FAM107B: variants seen among roughly 807,000 people sequenced by gnomAD.
FAM107B encodes the protein protein FAM107B.
A neutral mutation model predicts 31.5 loss-of-function variants in FAM107B; 21 were observed. That is an observed-to-expected ratio of 0.67 (90% CI 0.47 to 0.96). FAM107B has a LOEUF of 0.96. Among genes scored for constraint, FAM107B ranks in the 40% least tolerant of loss-of-function variants. FAM107B has a pLI of 0.00. For synonymous variants in FAM107B, 157 were observed against 141.5 expected (o/e 1.11, Z -0.78); for missense variants, 452 against 377.1 (o/e 1.20, Z -1.64).
chr10:14,529,092 G>A (rs972777515), intron 3 of FAM107B, among the ~76,000 whole-genome samples: 9 of 152,152 alleles, frequency 5.9e-5, no homozygotes, highest in Non-Finnish European at 1.0e-4. Context: ...CTAAACTGAC[G>A]AGCTTTCCAC....
chr10:14,641,643 T>C (rs980178801), intron 2 of FAM107B, among the ~76,000 whole-genome samples: 1 of 152,132 alleles, frequency 6.6e-6, no homozygotes, highest in Admixed American at 6.6e-5. Context: ...TGATGTCTCT[T>C]CTTCTGAGGG....
chr10:14,556,545 T>G lies in FAM107B; in HGVS notation c.470-26030A>C, dbSNP rs1283020140. The stretch of plus-strand genomic sequence containing the variant: ...GCCGTGCGCAACGTTTAGACTTGAC[T>G]GACACCTACTGTGTGCTCCGTGCTA... On this transcript the variant is annotated intron_variant, in intron 2 of 4. Coordinates refer to ENST00000181796, the MANE Select transcript of FAM107B (RefSeq NM_031453.4). 15 of 306,372 alleles carry G rather than the reference T, an allele frequency of 4.9e-5. No homozygotes were observed. The Admixed American group carries it at 9.7e-4, about 20-fold the overall frequency. 19.0% of individuals were successfully genotyped at this position (306,372 alleles called of 1,614,324 possible).
intron 1 of FAM107B, among the ~76,000 whole-genome samples, chr10:14,729,966 C>A (rs1281018234): frequency 6.6e-6 from 1 of 152,264 alleles, no homozygotes; most frequent in African/African-American, 2.4e-5. Flanking sequence ...CATGTTCTCA[C>A]TCATAAATGG....
intron 2 of FAM107B, among the ~76,000 whole-genome samples, chr10:14,594,148 G>T (rs1490182627): frequency 6.6e-6 from 1 of 152,056 alleles, no homozygotes; most frequent in East Asian, 1.9e-4. Context: ...TTCACAAATG[G>T]ATCACTTTAA....
rs528045383 is a variant in FAM107B at position 14,546,254 on chromosome 10, C to T, written c.470-15739G>A. 3.3e-5 allele frequency among the ~76,000 whole-genome samples: 5 copies of T among 152,298 alleles called. No individual in the cohort carries two copies. The East Asian group carries it at 7.7e-4, about 23-fold the overall frequency. On this transcript the variant is annotated intron_variant, in intron 2 of 4. Coordinates refer to ENST00000181796, the MANE Select transcript of FAM107B (RefSeq NM_031453.4). ...TTCTGGACCACACAGTGGCAAAGCT[C>T]GGACTAGGACCAAGATTGGAGTCTG...
chr10:14,676,231 A>T (rs1037531895), intron 1 of FAM107B, among the ~76,000 whole-genome samples: 4 of 152,136 alleles, frequency 2.6e-5, no homozygotes, highest in Admixed American at 2.6e-4. Context: ...GATGGATATG[A>T]ATAGTCTGTT....
intron 1 of FAM107B, among the ~76,000 whole-genome samples, chr10:14,749,780 A>T (rs776816060): frequency 3.9e-5 from 6 of 152,184 alleles, no homozygotes; most frequent in African/African-American, 9.7e-5. Context: ...GCCAGCAACC[A>T]TGTCTTTTGA....
At chr10:14,548,647 C>T (rs1848945642) in intron 2 of FAM107B, 4 of 985,426 alleles carry the variant, frequency 4.1e-6, no homozygotes, top group Non-Finnish European at 4.8e-6. Context: ...CGAAGGCAGG[C>T]ACTCCCAGAA....
intron 1 of FAM107B, among the ~76,000 whole-genome samples, chr10:14,719,044 C>T (rs1163188818): frequency 6.6e-6 from 1 of 152,210 alleles, no homozygotes; most frequent in Admixed American, 6.5e-5. Flanking sequence ...GCCTTCTCCA[C>T]GTCTAGGGCT....
chr10:14,708,069 C>T (rs185773086), intron 1 of FAM107B, among the ~76,000 whole-genome samples: 13 of 152,006 alleles, frequency 8.6e-5, no homozygotes, highest in African/African-American at 2.9e-4. Context: ...ATTCTCTTCA[C>T]CTTAGGAGGA....
At chr10:14,719,631 G>A (rs1207254628) in intron 1 of FAM107B, among the ~76,000 whole-genome samples, 1 of 152,210 alleles carries the variant, frequency 6.6e-6, no homozygotes, top group South Asian at 2.1e-4. Flanking sequence ...AGGCCAATGG[G>A]AGGCACTAGG....
intron 1 of FAM107B, among the ~76,000 whole-genome samples, chr10:14,750,464 T>C (rs991996195): frequency 2.6e-5 from 4 of 151,828 alleles, no homozygotes; most frequent in Non-Finnish European, 2.9e-5. Context: ...ATACAAAAAT[T>C]AGCTGGGCGG....
chr10:14,570,233 GGTGT>G lies in FAM107B; in HGVS notation c.470-39722_470-39719del, dbSNP rs57206586. Among the ~76,000 whole-genome samples the G allele has an allele frequency of 6.0e-3, 844 of 140,342 alleles. 7 individuals are homozygous for G. Among genetic ancestry groups the G allele is most frequent in the Middle Eastern group, 0.04 (11 of 276 alleles). 92.1% of individuals were successfully genotyped at this position (140,342 alleles called of 152,430 possible). A position where few individuals can be genotyped will look rare whatever the true frequency, so the allele number is the denominator to read the frequency against. On this transcript the variant is annotated intron_variant, in intron 2 of 4. Transcript: ENST00000181796. Reference sequence around the variant, plus strand: ...ACGTACCTACCAAAAAAATGTGGTGGGTGTGTGTGTGTGTGTGTGTGTGTGTGTG... The same window carrying G: ...ACGTACCTACCAAAAAAATGTGGTGGGTGTGTGTGTGTGTGTGTGTGTGTG...
At chr10:14,691,893 C>A (rs375812014) in intron 1 of FAM107B, among the ~76,000 whole-genome samples, 37,000 of 128,932 alleles carry the variant, frequency 0.29, 5,714 homozygotes, top group Admixed American at 0.35. Flanking sequence ...GACTCTGTCA[C>A]AAAAAAAAAA....
chr10:14,591,432 C>G (rs1037040858), intron 2 of FAM107B, among the ~76,000 whole-genome samples: 1 of 152,184 alleles, frequency 6.6e-6, no homozygotes, highest in African/African-American at 2.4e-5. Flanking sequence ...AAGAGCCAAG[C>G]CAATCTTTGC....
intron 2 of FAM107B, among the ~76,000 whole-genome samples, chr10:14,642,212 C>T (rs1853645655): frequency 6.6e-6 from 1 of 152,220 alleles, no homozygotes; most frequent in South Asian, 2.1e-4. Flanking sequence ...GCTCAATGTC[C>T]CATCTTCCAG....
chr10:14,722,053 C>G (rs371727973), intron 1 of FAM107B, among the ~76,000 whole-genome samples: 8 of 152,204 alleles, frequency 5.3e-5, no homozygotes, highest in African/African-American at 1.9e-4. Context: ...AAGGAACATA[C>G]TTTTTTATGG....
chr10:14,662,461 C>T (rs1170496194), intron 2 of FAM107B, among the ~76,000 whole-genome samples: 4 of 149,912 alleles, frequency 2.7e-5, no homozygotes, highest in Non-Finnish European at 4.4e-5. Context: ...ATTGCAGCTT[C>T]GACCACCTGG....
At chr10:14,523,703 T>C (rs563923422) in intron 3 of FAM107B, among the ~76,000 whole-genome samples, 20 of 152,332 alleles carry the variant, frequency 1.3e-4, no homozygotes, top group African/African-American at 4.8e-4. Context: ...CTTGATCCCT[T>C]TAAAGTCCAC....
Sources: allele counts gnomAD v4.1 joint callset (sites outside exome capture counted in the v4.1 genomes callset), GRCh38; gene constraint gnomAD v4.1.1; transcripts MANE v1.5; gene names NCBI Gene and HGNC (gene_info 2026-07-23, HGNC 2026-07-21).